DDAH1: variants seen among roughly 807,000 people sequenced by gnomAD.
DDAH1 encodes dimethylarginine dimethylaminohydrolase 1.
A neutral mutation model predicts 28.8 loss-of-function variants in DDAH1; 19 were observed. The observed-to-expected ratio is 0.66, with a 90% CI of 0.46 to 0.97. The LOEUF (loss-of-function observed/expected upper bound fraction) is 0.97, where lower values mean the gene tolerates loss of function less well. Among genes scored for constraint, DDAH1 ranks in the 50% least tolerant of loss-of-function variants. The pLI is 0.00. For synonymous variants in DDAH1, 153 were observed against 154.4 expected (o/e 0.99, Z 0.07); for missense variants, 326 against 375.9 (o/e 0.87, Z 1.10).
At chr1:85,519,855 A>C (rs1193133945) in intron 1 of DDAH1, among the ~76,000 whole-genome samples, 1 of 152,188 alleles carries the variant, frequency 6.6e-6, no homozygotes, top group African/African-American at 2.4e-5. Flanking sequence ...AAAGGAAATA[A>C]ATGCATCAAT....
In DDAH1 at chr1:85,319,225, T is replaced by C. The variant is rs1462410840; in HGVS notation, c.*2227A>G. 1.3e-5 allele frequency: 2 copies of C among 152,140 alleles called. No homozygotes were observed. Among genetic ancestry groups the C allele is most frequent in the African/African-American group, 4.8e-5 (2 of 41,440 alleles). 9.4% of individuals were successfully genotyped at this position (152,140 alleles called of 1,614,324 possible). On this transcript the variant is annotated 3_prime_UTR_variant, in exon 6 of 6. Transcript: ENST00000284031. Reference sequence around the variant, plus strand: ...AAAGAAGCCAGCCTAGCAGGTAACATAGCAGAGCAGAATGCAATGTAGAAG... The same window carrying C: ...AAAGAAGCCAGCCTAGCAGGTAACACAGCAGAGCAGAATGCAATGTAGAAG...
chr1:85,402,035 G>C (rs528835394), intron 1 of DDAH1, among the ~76,000 whole-genome samples: 1 of 152,176 alleles, frequency 6.6e-6, no homozygotes, highest in South Asian at 2.1e-4. Context: ...ACCCAGGCTA[G>C]AGTGCAGTGC....
chr1:85,389,975 C>G (rs1651465811), intron 1 of DDAH1, among the ~76,000 whole-genome samples: 1 of 152,158 alleles, frequency 6.6e-6, no homozygotes, highest in African/African-American at 2.4e-5. Context: ...ACCTCAACTT[C>G]TAACGAAAAA....
Position 85,353,920 on chromosome 1 carries a change from G to A in DDAH1, c.404-2341C>T, listed in dbSNP as rs556808357. On this transcript the variant is annotated intron_variant, in intron 2 of 5. Coordinates refer to ENST00000284031, the MANE Select transcript of DDAH1 (RefSeq NM_012137.4). ...TCCATTTTAAAAGACTAAGGTGTTC[G>A]GAGCGTGATGTGGGCTGATTGAAAA... Among the ~76,000 whole-genome samples the A allele has an allele frequency of 5.3e-4, 80 of 151,936 alleles. 1 individual carries two copies. Among genetic ancestry groups the A allele is most frequent in the Non-Finnish European group, 1.2e-4 (8 of 67,948 alleles).
chr1:85,342,730 A>G (rs993784065), intron 4 of DDAH1, among the ~76,000 whole-genome samples: 1 of 152,186 alleles, frequency 6.6e-6, no homozygotes, highest in Non-Finnish European at 1.5e-5. Flanking sequence ...TGGCTTCTTC[A>G]GGTGCACATT....
intron 1 of DDAH1, among the ~76,000 whole-genome samples, chr1:85,420,320 C>T (rs1653082174): frequency 6.6e-6 from 1 of 152,226 alleles, no homozygotes; most frequent in Non-Finnish European, 1.5e-5. Context: ...TGCTCAGCAG[C>T]CACATGGCCA....
chr1:85,467,642 A>T (rs1431475093), upstream of DDAH1: 1 of 152,250 alleles, frequency 6.6e-6, no homozygotes, highest in East Asian at 1.9e-4. Flanking sequence ...AAAAAAGAAT[A>T]ATAAAAATAC....
intron 1 of DDAH1, among the ~76,000 whole-genome samples, chr1:85,437,616 T>TA: frequency 6.6e-6 from 1 of 152,240 alleles, no homozygotes; most frequent in South Asian, 2.1e-4. Context: ...AAAATATGTG[T>TA]TAATGCACTT....
chr1:85,436,746 C>T (rs886201776), intron 1 of DDAH1, among the ~76,000 whole-genome samples: 1 of 152,144 alleles, frequency 6.6e-6, no homozygotes, highest in Non-Finnish European at 1.5e-5. Flanking sequence ...CCACACAGGC[C>T]ATTACTGGTG....
chr1:85,415,970 T>C (rs930478258), intron 1 of DDAH1, among the ~76,000 whole-genome samples: 4 of 152,110 alleles, frequency 2.6e-5, no homozygotes, highest in Non-Finnish European at 5.9e-5. Context: ...AATCCTACCA[T>C]AGGAATTATC....
intron 4 of DDAH1, among the ~76,000 whole-genome samples, chr1:85,334,129 G>A (rs972581167): frequency 6.6e-6 from 1 of 152,192 alleles, no homozygotes; most frequent in Non-Finnish European, 1.5e-5. Flanking sequence ...TCTCATGATA[G>A]TGAGTGAGTT....
At position 85,558,148 on chromosome 1, in the gene DDAH1, C is replaced by T. The variant is rs145275477; in HGVS notation, c.-123+19836G>A. On this transcript the variant is annotated intron_variant, in intron 1 of 6. Coordinates refer to the DDAH1 transcript ENST00000426972. ...TTAGGAGGCCAAGGCAGGTGGGTCA[C>T]TTGAGTTCAAGAGTTCAAGACTGGC... Among the ~76,000 whole-genome samples, 588 of 151,860 alleles carry T rather than the reference C, an allele frequency of 3.9e-3. 3 individuals are homozygous for T. The highest frequency in any genetic ancestry group is 6.3e-3 in the Non-Finnish European group (426 of 67,970).
In DDAH1 at chr1:85,350,540, T is replaced by G; in HGVS notation, c.478-6A>C. 1 of 1,610,790 alleles carries G rather than the reference T, an allele frequency of 6.2e-7. No homozygotes were observed. On this transcript the variant is annotated splice_region_variant and splice_polypyrimidine_tract_variant and intron_variant, in intron 3 of 5. Transcript: ENST00000284031. ...ACTGTGGAGACTGCATAGTCCTACG[T>G]GGACAATAGAAAAACAAGCAGTTTA...
chr1:85,441,928 T>G (rs1033920590), intron 1 of DDAH1, among the ~76,000 whole-genome samples: 7 of 152,182 alleles, frequency 4.6e-5, no homozygotes, highest in Admixed American at 4.6e-4. Flanking sequence ...TTCATATATA[T>G]TTTTTCATTT....
At chr1:85,449,183 C>A (rs1304848882) in intron 1 of DDAH1, among the ~76,000 whole-genome samples, 1 of 152,124 alleles carries the variant, frequency 6.6e-6, no homozygotes, top group African/African-American at 2.4e-5. Context: ...GCATCAGGGG[C>A]CCCCACAGAA....
intron 2 of DDAH1, among the ~76,000 whole-genome samples, chr1:85,471,088 T>C (rs1424926176): frequency 6.6e-6 from 1 of 152,206 alleles, no homozygotes; most frequent in Non-Finnish European, 1.5e-5. Context: ...TTTTGGTGAA[T>C]GGGATATACT....
chr1:85,498,894 C>A (rs1450632131), intron 1 of DDAH1, among the ~76,000 whole-genome samples: 1 of 151,912 alleles, frequency 6.6e-6, no homozygotes, highest in African/African-American at 2.4e-5. Flanking sequence ...TGCCTTCCAG[C>A]CTGGGCGACA....
intron 1 of DDAH1, among the ~76,000 whole-genome samples, chr1:85,395,714 G>T (rs1651779806): frequency 1.3e-5 from 2 of 151,946 alleles, no homozygotes; most frequent in Non-Finnish European, 2.9e-5. Flanking sequence ...GAAGGTTTGA[G>T]CAAGCTGCAC....
intron 1 of DDAH1, among the ~76,000 whole-genome samples, chr1:85,457,437 C>T (rs1654938001): frequency 6.6e-6 from 1 of 152,094 alleles, no homozygotes; most frequent in Admixed American, 6.5e-5. Flanking sequence ...TGTCACTGAT[C>T]TGCCTCCCTC....
Sources: gnomAD v4.1 joint callset for allele counts (sites outside exome capture counted in the v4.1 genomes callset) on GRCh38, gnomAD v4.1.1 for gene constraint, MANE v1.5 for transcripts, NCBI Gene and HGNC (gene_info 2026-07-23, HGNC 2026-07-21) for gene names.